The following GPALPP1 variants were observed in gnomAD, a reference collection of about 807,000 sequenced individuals.
GPALPP1 encodes GPALPP motifs containing 1.
Under a neutral mutation model 38.9 loss-of-function variants are expected in GPALPP1, and 30 were observed. That is an observed-to-expected ratio of 0.77 (90% CI 0.58 to 1.05). The LOEUF is 1.05. Ranked by LOEUF, GPALPP1 falls within the 50% of genes least tolerant of loss-of-function variation. GPALPP1 has a pLI of 0.00. For missense variants in GPALPP1, 384 were observed against 408.8 expected, an observed-to-expected ratio of 0.94 and a Z score of 0.52; for synonymous variants, 120 against 139.2, an observed-to-expected ratio of 0.86 and a Z score of 0.97.
chr13:45,003,246 G>GT (rs1235535631), intron 1 of GPALPP1, among the ~76,000 whole-genome samples: 1 of 152,114 alleles, frequency 6.6e-6, no homozygotes, highest in African/African-American at 2.4e-5. Flanking sequence ...TCCCTTATAG[G>GT]ATTGTTATCA....
intron 4 of GPALPP1, among the ~76,000 whole-genome samples, chr13:45,011,955 A>C (rs1051688096): frequency 8.5e-5 from 13 of 152,330 alleles, no homozygotes; most frequent in African/African-American, 2.9e-4. Context: ...AGGGGAAGAA[A>C]TAAAATAACA....
At chr13:45,014,784 G>C (rs1264066369) in intron 4 of GPALPP1, among the ~76,000 whole-genome samples, 168 bp from the exon 5 acceptor site, 1 of 152,206 alleles carries the variant, frequency 6.6e-6, no homozygotes, top group Non-Finnish European at 1.5e-5. Flanking sequence ...AGGCACTTGA[G>C]GAAGGTGAGG....
At position 45,004,443 on chromosome 13, in the gene GPALPP1, TCATTTAATTAAATTAAA is replaced by T; in HGVS notation, c.221+7_221+23del. 6.2e-7 allele frequency: 1 copy of T among 1,604,420 alleles called. No individual in the cohort carries two copies. Among genetic ancestry groups the T allele is most frequent in the African/African-American group, 1.3e-5 (1 of 74,790 alleles). On this transcript the variant is annotated splice_region_variant and intron_variant, in intron 2 of 7. Coordinates refer to ENST00000379151, the MANE Select transcript of GPALPP1 (RefSeq NM_018559.5). Reference sequence around the variant, plus strand: ...GACAGTGGTCCAACTGCAAGGTCAGTCATTTAATTAAATTAAATGATAGACCAAACTTCAGAGCTAGT... The same window carrying T: ...GACAGTGGTCCAACTGCAAGGTCAGTTGATAGACCAAACTTCAGAGCTAGT...
intron 1 of GPALPP1, among the ~76,000 whole-genome samples, chr13:44,999,587 C>G (rs1873522559): frequency 6.6e-6 from 1 of 152,078 alleles, no homozygotes; most frequent in Non-Finnish European, 1.5e-5. Flanking sequence ...TAATATTCTT[C>G]TCTTTTTTCT....
At chr13:45,019,270 C>T (rs1484684734) in intron 6 of GPALPP1, among the ~76,000 whole-genome samples, 2 of 151,482 alleles carry the variant, frequency 1.3e-5, no homozygotes, top group Non-Finnish European at 2.9e-5. Context: ...GCCTCAGCCT[C>T]CTGAATAGCT....
At chr13:45,008,713 C>T in intron 3 of GPALPP1, 82 bp from the exon 4 acceptor site, 1 of 706,636 alleles carries the variant, frequency 1.4e-6, no homozygotes, top group Non-Finnish European at 2.5e-6. Context: ...CACTATTTGG[C>T]TTTATTATTT....
At chr13:45,032,698 G>A (rs1376212602), downstream of GPALPP1, among the ~76,000 whole-genome samples, 7 of 147,024 alleles carry the variant, frequency 4.8e-5, no homozygotes, top group African/African-American at 9.9e-5. Context: ...GAGCCACCGC[G>A]CCTGGCCTGA....
chr13:45,008,683 T>G, intron 3 of GPALPP1, 112 bp from the exon 4 acceptor site: 1 of 602,138 alleles, frequency 1.7e-6, no homozygotes, highest in Non-Finnish European at 3.0e-6. Flanking sequence ...TTAAATAAAA[T>G]TCTTATTTTC....
At chr13:45,034,726 CTTTTTTTTTTTTTTTA>C (rs1209303815), downstream of GPALPP1, 6 of 135,366 alleles carry the variant, frequency 4.4e-5, no homozygotes, top group Non-Finnish European at 9.6e-5. Flanking sequence ...ATTTTTATTT[CTTTTTTTTTTTTTTTA>C]TTTTTTTTTT....
rs1338920438 is a variant in GPALPP1, at chr13:44,994,240, G to GGA, written c.88+4505_88+4506dup. Among the ~76,000 whole-genome samples the GGA allele has an allele frequency of 2.0e-5, 3 of 149,086 alleles. No homozygotes were observed. The East Asian group carries it at 5.9e-4, about 29-fold the overall frequency. On this transcript the variant is annotated intron_variant, in intron 1 of 7. Coordinates refer to ENST00000379151, the MANE Select transcript of GPALPP1 (RefSeq NM_018559.5). ...CTCAAAAAAAAAAAAAAAAAAAAAGGGAGAGAGAAAGAAAGAAACTTGAAT... is the reference window on the plus strand; with the variant it reads ...CTCAAAAAAAAAAAAAAAAAAAAAGGGAGAGAGAGAAAGAAAGAAACTTGAAT...
chr13:45,000,778 A>C (rs1873617308), intron 1 of GPALPP1, among the ~76,000 whole-genome samples: 1 of 152,246 alleles, frequency 6.6e-6, no homozygotes, highest in African/African-American at 2.4e-5. Flanking sequence ...GGGAACACTT[A>C]CATACTAAGA....
At chr13:45,001,573 C>T (rs1265703479) in intron 1 of GPALPP1, 1 of 152,182 alleles carries the variant, frequency 6.6e-6, no homozygotes, top group African/African-American at 2.4e-5. Flanking sequence ...AGGCACAAAA[C>T]CTAAGACCTA....
intron 7 of GPALPP1, among the ~76,000 whole-genome samples, chr13:45,023,952 C>G (rs1875594741): frequency 6.6e-6 from 1 of 152,134 alleles, no homozygotes; most frequent in Admixed American, 6.6e-5. Context: ...AAAGAATGAT[C>G]CACAAGTAGG....
intron 4 of GPALPP1, among the ~76,000 whole-genome samples, chr13:45,013,611 C>A (rs981121247): frequency 6.6e-6 from 1 of 152,220 alleles, no homozygotes; most frequent in East Asian, 1.9e-4. Context: ...TTAGAGAAGG[C>A]CCCAGTTCCC....
At chr13:45,019,780 A>G (rs987321827) in intron 6 of GPALPP1, among the ~76,000 whole-genome samples, 1 of 151,170 alleles carries the variant, frequency 6.6e-6, no homozygotes, top group African/African-American at 2.4e-5. Flanking sequence ...AGTTCAATAA[A>G]TAGGTTGATT....
chr13:45,024,292 GTGTGTGTGTGTGTGTGTT>G, intron 7 of GPALPP1, among the ~76,000 whole-genome samples: 1 of 148,518 alleles, frequency 6.7e-6, no homozygotes, highest in South Asian at 2.2e-4. Context: ...GTGTGTGTGT[GTGTGTGTGTGTGTGTGTT>G]TTGAGACTGA....
chr13:45,003,102 G>C (rs1163540975), intron 1 of GPALPP1, among the ~76,000 whole-genome samples: 3 of 152,184 alleles, frequency 2.0e-5, no homozygotes, highest in Non-Finnish European at 2.9e-5. Context: ...CTAGTATAGT[G>C]GTTAAGGATA....
intron 6 of GPALPP1, among the ~76,000 whole-genome samples, chr13:45,018,919 A>G (rs1472583638): frequency 7.0e-6 from 1 of 143,306 alleles, no homozygotes; most frequent in Non-Finnish European, 1.5e-5. Context: ...ATATATACAT[A>G]TAAATGTATA....
chr13:44,989,748 C>A lies in GPALPP1; in HGVS notation c.88+6C>A, dbSNP rs750663497. The stretch of plus-strand genomic sequence containing the variant: ...AGAGCGGGACCCGAGCCCTGGTAAG[C>A]GGCGGCGTCTCCGCTGCCCACCAGG... On this transcript the variant is annotated splice_donor_region_variant and intron_variant, in intron 1 of 7. Transcript: ENST00000379151. 2.1e-5 allele frequency: 34 copies of A among 1,602,210 alleles called. No individual in the cohort carries two copies. The highest frequency in any genetic ancestry group is 2.7e-5 in the Non-Finnish European group (32 of 1,175,736).
Sources: allele counts gnomAD v4.1 joint callset (sites outside exome capture counted in the v4.1 genomes callset), GRCh38; gene constraint gnomAD v4.1.1; transcripts MANE v1.5; gene names NCBI Gene and HGNC (gene_info 2026-07-23, HGNC 2026-07-21).